SERPINB10: variants seen among roughly 807,000 people sequenced by gnomAD.
The protein encoded by SERPINB10 is serpin B10.
In SERPINB10, 35 loss-of-function variants were observed where a neutral mutation model predicts 39.1. That is an observed-to-expected ratio of 0.90 (90% CI 0.68 to 1.19). SERPINB10 has a LOEUF of 1.19. Among genes scored for constraint, SERPINB10 ranks in the 50% most tolerant of loss-of-function variants. The probability of loss-of-function intolerance (pLI) is 0.00; values close to 1 mark genes in which losing one functional copy is unlikely to be tolerated. For synonymous variants in SERPINB10, 190 were observed against 158.1 expected (o/e 1.20, Z -1.52); for missense variants, 546 against 460.5 (o/e 1.19, Z -1.70).
At chr18:63,924,411 G>C (rs1191514817) in intron 5 of SERPINB10, among the ~76,000 whole-genome samples, 1 of 151,902 alleles carries the variant, frequency 6.6e-6, no homozygotes, top group African/African-American at 2.4e-5. Context: ...TGGTACCCAG[G>C]GAGGTATAGA....
At position 63,910,942 on chromosome 18, in the gene SERPINB10, C is replaced by T. The variant is rs112420300; in HGVS notation, c.-10+2902C>T. ...CAACAGTGTACCCTTTTCTCCACAG[C>T]GTCATCAGCATCTCTTGTTTTTTGA... On this transcript the variant is annotated intron_variant, in intron 1 of 7. Coordinates refer to ENST00000238508, the MANE Select transcript of SERPINB10 (RefSeq NM_005024.3). Among the ~76,000 whole-genome samples the T allele has an allele frequency of 7.2e-3, 1,093 of 152,104 alleles. 8 individuals carry two copies. Among genetic ancestry groups the T allele is most frequent in the Non-Finnish European group, 0.011 (724 of 67,914 alleles).
chr18:63,920,997 T>C (rs535981546), intron 5 of SERPINB10, among the ~76,000 whole-genome samples: 18 of 152,128 alleles, frequency 1.2e-4, no homozygotes, highest in Non-Finnish European at 2.2e-4. Context: ...TTACACAGTT[T>C]AAAGCTTCAG....
intron 5 of SERPINB10, among the ~76,000 whole-genome samples, chr18:63,927,508 C>T (rs2144734310): frequency 6.6e-6 from 1 of 152,148 alleles, no homozygotes; most frequent in African/African-American, 2.4e-5. Flanking sequence ...CTCTATAATT[C>T]CAAAGTGACA....
At chr18:63,912,632 T>A (rs1000102140) in intron 1 of SERPINB10, among the ~76,000 whole-genome samples, 1 of 152,046 alleles carries the variant, frequency 6.6e-6, no homozygotes, top group Non-Finnish European at 1.5e-5. Flanking sequence ...CAAAGCCTAC[T>A]TGATGGTGGT....
At chr18:63,929,770 T>C (rs941222654) in intron 5 of SERPINB10, among the ~76,000 whole-genome samples, 5 of 145,820 alleles carry the variant, frequency 3.4e-5, no homozygotes, top group East Asian at 4.0e-4. Flanking sequence ...AATCAACTTA[T>C]ATTACAGGGA....
chr18:63,918,086 CGT>C lies in SERPINB10; in HGVS notation c.357_358del (p.Tyr120CysfsTer5). 6.2e-7 allele frequency: 1 copy of C among 1,612,156 alleles called. No individual in the cohort carries two copies. Among genetic ancestry groups the C allele is most frequent in the Non-Finnish European group, 8.5e-7 (1 of 1,178,884 alleles). On this transcript the variant is annotated frameshift_variant, in exon 4 of 8. Coordinates refer to ENST00000238508, the MANE Select transcript of SERPINB10 (RefSeq NM_005024.3). LOFTEE classifies it high-confidence loss of function. ...GCCAATGCGATATATGGAGAGAAAA[CGT>C]ATGCATTTCACAATGTAAGTGCAAA...
chr18:63,926,897 G>A (rs1456648487), intron 5 of SERPINB10, among the ~76,000 whole-genome samples: 1 of 151,892 alleles, frequency 6.6e-6, no homozygotes, highest in Non-Finnish European at 1.5e-5. Flanking sequence ...TTATAAATGT[G>A]GTGTATCACT....
chr18:63,919,711 T>G, intron 4 of SERPINB10, 77 bp from the exon 5 acceptor site: 1 of 1,002,450 alleles, frequency 1.0e-6, no homozygotes, highest in Non-Finnish European at 1.5e-6. Context: ...ACCTAGTTCT[T>G]TTGATAATCT....
chr18:63,915,655 A>G lies in SERPINB10; in HGVS notation c.145A>G (p.Thr49Ala), dbSNP rs2050096889. 1 of 1,611,616 alleles carries G rather than the reference A, an allele frequency of 6.2e-7. No homozygotes were observed. The highest frequency in any genetic ancestry group is 1.3e-5 in the African/African-American group (1 of 74,716). Reference protein sequence around the residue: ...LTIVYLGAKGTTAAQMAQVLQ... With the variant: ...LTIVYLGAKGATAAQMAQVLQ... ...CATAGTGTATTTGGGCGCCAAAGGT[A>G]CCACTGCAGCCCAAATGGCCCAGGT... Residue 49 changes from threonine to alanine, a missense_variant, in exon 2 of 8, where the codon ACC (threonine) becomes GCC (alanine). By Grantham distance (58) the Thr-to-Ala change is moderately conservative (BLOSUM62 0). Transcript: ENST00000238508.
chr18:63,921,109 T>C (rs1298643315), intron 5 of SERPINB10, among the ~76,000 whole-genome samples: 3 of 151,982 alleles, frequency 2.0e-5, no homozygotes, highest in African/African-American at 7.2e-5. Flanking sequence ...TATTATATTA[T>C]ATCTTATGAA....
At chr18:63,930,335 C>T (rs1458209543) in intron 6 of SERPINB10, 148 bp downstream of exon 6, 1 of 826,858 alleles carries the variant, frequency 1.2e-6, no homozygotes, top group South Asian at 1.8e-5. Context: ...GCCTTCAGTT[C>T]CATGGGGAAT....
rs551249026 is a variant in SERPINB10, at chr18:63,935,684, C to T, written c.*442C>T. ...ATTTAGCCCGGCATGGTGGTGCACA[C>T]CTGTGTTCCCAGCTACTCAGGAGGC... is the stretch of plus-strand genomic sequence containing the variant. On this transcript the variant is annotated 3_prime_UTR_variant, in exon 8 of 8. Coordinates refer to ENST00000238508, the MANE Select transcript of SERPINB10 (RefSeq NM_005024.3). 6.4e-6 allele frequency: 1 copy of T among 156,298 alleles called. No homozygotes were observed. Among genetic ancestry groups the T allele is most frequent in the African/African-American group, 2.4e-5 (1 of 41,434 alleles). The allele number at this position is 156,298 out of a possible 1,614,324, so 9.7% of individuals were successfully genotyped here. A position where few individuals can be genotyped will look rare whatever the true frequency, so the allele number is the denominator to read the frequency against.
chr18:63,915,987 AG>A lies in SERPINB10; in HGVS notation c.168+310del, dbSNP rs138985903. Among the ~76,000 whole-genome samples, 868 of 152,186 alleles carry A rather than the reference AG, an allele frequency of 5.7e-3. 5 individuals are homozygous for A. Among genetic ancestry groups the A allele is most frequent in the African/African-American group, 0.02 (834 of 41,550 alleles). ...TTATTTTGATGATATTATTTCAAAA[AG>A]TAATTGGTCAAACTTTAAATAATAG... On this transcript the variant is annotated intron_variant, in intron 2 of 7. Coordinates refer to ENST00000238508, the MANE Select transcript of SERPINB10 (RefSeq NM_005024.3).
chr18:63,930,237 G>A lies in SERPINB10; in HGVS notation c.633+50G>A, dbSNP rs771675143. 8 of 1,575,414 alleles carry A rather than the reference G, an allele frequency of 5.1e-6. 1 individual carries two copies. In the South Asian group the frequency reaches 6.7e-5, roughly 13 times the overall value. On this transcript the variant is annotated intron_variant, in intron 6 of 7. Coordinates refer to ENST00000238508, the MANE Select transcript of SERPINB10 (RefSeq NM_005024.3). Reference sequence around the variant, plus strand: ...TGGATTTTCACATGGCATTGTACAAGTGATTCTCTTATAAATTCACTCTTC... The same window carrying A: ...TGGATTTTCACATGGCATTGTACAAATGATTCTCTTATAAATTCACTCTTC...
chr18:63,928,565 A>G (rs2050196464), intron 5 of SERPINB10, among the ~76,000 whole-genome samples: 1 of 152,064 alleles, frequency 6.6e-6, no homozygotes, highest in Non-Finnish European at 1.5e-5. Flanking sequence ...CTACAAACAG[A>G]AGTGAAAAAG....
intron 5 of SERPINB10, among the ~76,000 whole-genome samples, chr18:63,920,797 C>A (rs1014630443): frequency 6.6e-6 from 1 of 151,946 alleles, no homozygotes; most frequent in South Asian, 2.1e-4. Context: ...CAATTCCAGT[C>A]ACCATACTTG....
chr18:63,917,504 G>GAA lies in SERPINB10; in HGVS notation c.225_226dup (p.Arg76LysfsTer8). 4 of 1,531,474 alleles carry GAA rather than the reference G, an allele frequency of 2.6e-6. No homozygotes were observed. The highest frequency in any genetic ancestry group is 2.4e-5 in the East Asian group (1 of 42,382). The allele number at this position is 1,531,474 out of a possible 1,614,324, so 94.9% of individuals were successfully genotyped here. On this transcript the variant is annotated frameshift_variant, in exon 3 of 8. Coordinates refer to ENST00000238508, the MANE Select transcript of SERPINB10 (RefSeq NM_005024.3). LOFTEE classifies it high-confidence loss of function. The stretch of plus-strand genomic sequence containing the variant: ...GGGAGTCAAATGTGACCCTGAAAGT[G>GAA]AAAAAAAAAGGAAAATGGTATATCT...
At chr18:63,919,764 G>T in intron 4 of SERPINB10, 24 bp from the exon 5 acceptor site, 1 of 1,468,216 alleles carries the variant, frequency 6.8e-7, no homozygotes, top group South Asian at 1.2e-5. Context: ...TCTACAAAAG[G>T]GGATTTTTAT....
intron 2 of SERPINB10, among the ~76,000 whole-genome samples, chr18:63,916,680 G>A (rs2050105335): frequency 6.6e-6 from 1 of 152,084 alleles, no homozygotes; most frequent in Non-Finnish European, 1.5e-5. Flanking sequence ...ATTCCAATGT[G>A]AATCTATTTC....
Sources: allele counts gnomAD v4.1 joint callset (sites outside exome capture counted in the v4.1 genomes callset), GRCh38; gene constraint gnomAD v4.1.1; transcripts MANE v1.5; gene names NCBI Gene and HGNC (gene_info 2026-07-23, HGNC 2026-07-21).